The following WDR37 variants were observed in gnomAD, a reference collection of about 807,000 sequenced individuals.
WDR37 encodes the protein WD repeat domain 37.
WDR37 carries 19 observed loss-of-function variants against 62.9 expected under a neutral mutation model. The ratio of observed to expected loss-of-function variants is 0.30; its 90% confidence interval spans 0.21 to 0.44. WDR37 has a LOEUF of 0.44. Among genes scored for constraint, WDR37 ranks in the 20% least tolerant of loss-of-function variants. The probability of loss-of-function intolerance (pLI) is 1.00; values close to 1 mark genes in which losing one functional copy is unlikely to be tolerated. For missense variants in WDR37, 474 were observed against 657.6 expected, an observed-to-expected ratio of 0.72 and a Z score of 3.05; for synonymous variants, 250 against 260.9, an observed-to-expected ratio of 0.96 and a Z score of 0.40.
At chr10:1,114,645 G>C (rs944827651) in intron 11 of WDR37, among the ~76,000 whole-genome samples, 1 of 152,230 alleles carries the variant, frequency 6.6e-6, no homozygotes, top group Non-Finnish European at 1.5e-5. Flanking sequence ...ACCTCACAGC[G>C]TGTTCTGGAA....
intron 1 of WDR37, among the ~76,000 whole-genome samples, chr10:1,065,648 A>G (rs1026622041): frequency 6.6e-6 from 1 of 152,148 alleles, no homozygotes; most frequent in Non-Finnish European, 1.5e-5. Flanking sequence ...CGTGAAAGAA[A>G]CTCAGAAAAT....
At position 1,103,816 on chromosome 10, in the gene WDR37, A is replaced by G; in HGVS notation, c.941A>G (p.Glu314Gly). The G allele has an allele frequency of 6.2e-7, 1 of 1,614,102 alleles. No homozygotes were observed. The highest frequency in any genetic ancestry group is 8.5e-7 in the Non-Finnish European group (1 of 1,179,990). ...TANLYDVETS[E>G]LVHSLTGHDQ... ...AACCTGTACGACGTGGAGACGTCCG[A>G]GCTCGTTCACTCTCTGACAGGTGCC... Residue 314 changes from glutamate (E) to glycine (G), a missense_variant, in exon 10 of 14, where the codon GAG (glutamate) becomes GGG (glycine). Coordinates refer to ENST00000263150, the MANE Select transcript of WDR37 (RefSeq NM_014023.4). This position sits in a 1 kb window ranked among gnomAD's most constrained non-coding sequence, Gnocchi z 6.3.
At chr10:1,111,509 C>A (rs1244005759) in intron 11 of WDR37, among the ~76,000 whole-genome samples, 1 of 152,144 alleles carries the variant, frequency 6.6e-6, no homozygotes, top group Non-Finnish European at 1.5e-5. Context: ...CGAAATGGGT[C>A]CCCTGAAACG....
chr10:1,092,375 C>CT (rs1195449002), intron 7 of WDR37, among the ~76,000 whole-genome samples: 11 of 149,854 alleles, frequency 7.3e-5, no homozygotes, highest in East Asian at 4.0e-4. Flanking sequence ...AAAAGACCCT[C>CT]TTTTTTTTTG....
At chr10:1,125,478 A>G (rs1315624137) in intron 13 of WDR37, among the ~76,000 whole-genome samples, 1 of 152,182 alleles carries the variant, frequency 6.6e-6, no homozygotes, top group African/African-American at 2.4e-5. Flanking sequence ...CCAAAGTGCT[A>G]GGATTACAGG....
intron 1 of WDR37, among the ~76,000 whole-genome samples, chr10:1,061,788 G>A (rs1468359703): frequency 6.7e-6 from 1 of 150,206 alleles, no homozygotes; most frequent in Non-Finnish European, 1.5e-5. Context: ...GCAGTGAACC[G>A]AGGTTAACAC....
intron 8 of WDR37, among the ~76,000 whole-genome samples, chr10:1,095,111 G>C (rs370757192): frequency 1.9e-3 from 283 of 150,930 alleles, no homozygotes; most frequent in African/African-American, 6.5e-3. Context: ...GGAAACGTGA[G>C]GTAATGGGCA....
chr10:1,103,782 C>T lies in WDR37; in HGVS notation c.907C>T (p.Arg303Trp). 6.2e-7 allele frequency: 1 copy of T among 1,614,202 alleles called. No homozygotes were observed. The highest frequency in any genetic ancestry group is 8.5e-7 in the Non-Finnish European group (1 of 1,180,036). The change falls in exon 10 of 14, where the codon CGG becomes TGG. Residue 303 changes from arginine to tryptophan, a missense_variant. Coordinates refer to ENST00000263150, the MANE Select transcript of WDR37 (RefSeq NM_014023.4). The surrounding 1 kb of genome is among the most constrained non-coding windows in gnomAD (Gnocchi z 6.3). The stretch of plus-strand genomic sequence containing the variant: ...GCAGGCTGTGACTGCCTCCTGGGAC[C>T]GGACGGCAAACCTGTACGACGTGGA... The part of the protein sequence containing the change: ...GKQAVTASWD[R>W]TANLYDVETS...
intron 1 of WDR37, among the ~76,000 whole-genome samples, chr10:1,067,581 C>T (rs549591218): frequency 9.2e-5 from 14 of 152,034 alleles, no homozygotes; most frequent in Non-Finnish European, 1.2e-4. Context: ...GTAAAAAACC[C>T]GAATAATACT....
chr10:1,126,689 T>TGA (rs1835794089), intron 13 of WDR37, among the ~76,000 whole-genome samples: 1 of 152,172 alleles, frequency 6.6e-6, no homozygotes, highest in Admixed American at 6.5e-5. Flanking sequence ...GCACGGGGTG[T>TGA]GAGCCTCAGA....
At chr10:1,128,391 G>C (rs891366297) in intron 13 of WDR37, among the ~76,000 whole-genome samples, 1 of 152,230 alleles carries the variant, frequency 6.6e-6, no homozygotes, top group African/African-American at 2.4e-5. Context: ...CATACACACC[G>C]ATATGCTATT....
chr10:1,088,714 G>A (rs1834284599), intron 7 of WDR37, among the ~76,000 whole-genome samples: 1 of 151,714 alleles, frequency 6.6e-6, no homozygotes, highest in South Asian at 2.1e-4. Flanking sequence ...AAAAGAAAAA[G>A]TTTGAAATAT....
intron 1 of WDR37, among the ~76,000 whole-genome samples, chr10:1,070,452 C>T (rs1224151182): frequency 1.3e-5 from 2 of 152,080 alleles, no homozygotes; most frequent in Non-Finnish European, 2.9e-5. Context: ...ACTGTATATA[C>T]TCACATTCAT....
At position 1,122,557 on chromosome 10, in the gene WDR37, C is replaced by T. The variant is rs75838899; in HGVS notation, c.1104-1661C>T. On this transcript the variant is annotated intron_variant, in intron 11 of 13. Coordinates refer to ENST00000263150, the MANE Select transcript of WDR37 (RefSeq NM_014023.4). ...CCCCAGCCCTGAGCCAGGCAGGACG[C>T]GCAGCCCCCTGGCCGTTGCTGAAGA... Among the ~76,000 whole-genome samples, 1,082 of 152,334 alleles carry T rather than the reference C, an allele frequency of 7.1e-3. 17 individuals are homozygous for T. Among genetic ancestry groups the T allele is most frequent in the African/African-American group, 0.025 (1,036 of 41,578 alleles).
At chr10:1,080,330 G>A in intron 4 of WDR37, 82 bp from the exon 5 acceptor site, 1 of 1,571,010 alleles carries the variant, frequency 6.4e-7, no homozygotes, top group Non-Finnish European at 8.7e-7. Flanking sequence ...CTTTCTTCCT[G>A]TGCAAGACAC....
chr10:1,100,508 T>G lies in WDR37; in HGVS notation c.727-3094T>G, dbSNP rs912017320. On this transcript the variant is annotated intron_variant, in intron 9 of 13. Coordinates refer to ENST00000263150, the MANE Select transcript of WDR37 (RefSeq NM_014023.4). ...TCTAATTTTCAATTTTAACACAAAC[T>G]CTAATCTGTTAAAATCTGTGTTCAT... Among the ~76,000 whole-genome samples the G allele has an allele frequency of 9.9e-5, 15 of 152,246 alleles. 1 individual carries two copies. Among genetic ancestry groups the G allele is most frequent in the Admixed American group, 8.5e-4 (13 of 15,284 alleles).
intron 11 of WDR37, among the ~76,000 whole-genome samples, chr10:1,122,016 G>C (rs1415551982): frequency 1.3e-5 from 2 of 152,096 alleles, no homozygotes; most frequent in Non-Finnish European, 2.9e-5. Context: ...GACTCAGCTG[G>C]TGTCCACTAA....
At chr10:1,107,016 AG>A (rs1275896497) in intron 11 of WDR37, among the ~76,000 whole-genome samples, 1 of 152,168 alleles carries the variant, frequency 6.6e-6, no homozygotes, top group Non-Finnish European at 1.5e-5. Flanking sequence ...CGTCAGCGAT[AG>A]CCATAGTAAT....
chr10:1,109,948 C>G (rs1052055857), intron 11 of WDR37, among the ~76,000 whole-genome samples: 3 of 152,174 alleles, frequency 2.0e-5, no homozygotes, highest in Non-Finnish European at 4.4e-5. Context: ...TGCCCTTTCT[C>G]CCACATGGGT....
Sources: gnomAD v4.1 joint callset for allele counts (sites outside exome capture counted in the v4.1 genomes callset) on GRCh38, gnomAD v4.1.1 for gene constraint, Gnocchi (gnomAD v3.1) non-coding constraint, MANE v1.5 for transcripts, NCBI Gene and HGNC (gene_info 2026-07-23, HGNC 2026-07-21) for gene names.